Variants in VWA8 observed in about 807,000 individuals in gnomAD.
The protein encoded by VWA8 is von Willebrand factor A domain-containing protein 8.
In VWA8, 221 loss-of-function variants were observed where a neutral mutation model predicts 241.5. The ratio of observed to expected loss-of-function variants is 0.91; its 90% CI spans 0.82 to 1.02. VWA8 has a LOEUF of 1.02. Among genes scored for constraint, VWA8 ranks in the 50% least tolerant of loss-of-function variants. The pLI, the probability that VWA8 is intolerant of heterozygous loss-of-function variation, is 0.00. For missense variants in VWA8, 2,322 were observed against 2,328.7 expected, an observed-to-expected ratio of 1.00 and a Z score of 0.06; for synonymous variants, 852 against 827.1, an observed-to-expected ratio of 1.03 and a Z score of -0.52.
At chr13:41,873,747 C>T (rs1447683306) in intron 9 of VWA8, among the ~76,000 whole-genome samples, 1 of 152,136 alleles carries the variant, frequency 6.6e-6, no homozygotes, top group Non-Finnish European at 1.5e-5. Flanking sequence ...CCAAATTCTA[C>T]CAGAGGTACA....
intron 21 of VWA8, among the ~76,000 whole-genome samples, chr13:41,748,010 T>C (rs1409691480): frequency 6.6e-6 from 1 of 152,184 alleles, no homozygotes; most frequent in African/African-American, 2.4e-5. Context: ...CAGTATTTTA[T>C]TGAGGATTTT....
intron 29 of VWA8, among the ~76,000 whole-genome samples, chr13:41,695,008 T>C (rs2045207090): frequency 6.6e-6 from 1 of 152,174 alleles, no homozygotes; most frequent in African/African-American, 2.4e-5. Flanking sequence ...TAGATGTTAA[T>C]GGTTTCCTTC....
At chr13:41,726,217 T>C (rs2045432138) in intron 24 of VWA8, among the ~76,000 whole-genome samples, 1 of 152,338 alleles carries the variant, frequency 6.6e-6, no homozygotes, top group East Asian at 1.9e-4. Context: ...AAAATTTCTT[T>C]ATCCAGTCCC....
At chr13:41,936,749 T>A (rs1877369911) in intron 2 of VWA8, among the ~76,000 whole-genome samples, 1 of 152,208 alleles carries the variant, frequency 6.6e-6, no homozygotes, top group South Asian at 2.1e-4. Flanking sequence ...GAATAGATTT[T>A]AAATGTTCTC....
At chr13:41,945,098 T>A (rs1306348363) in intron 2 of VWA8, among the ~76,000 whole-genome samples, 1 of 152,154 alleles carries the variant, frequency 6.6e-6, no homozygotes, top group African/African-American at 2.4e-5. Flanking sequence ...GAGACACAAC[T>A]GTAAGCTACC....
chr13:41,755,398 G>T (rs2045687643), intron 21 of VWA8, among the ~76,000 whole-genome samples: 1 of 151,700 alleles, frequency 6.6e-6, no homozygotes, highest in Non-Finnish European at 1.5e-5. Flanking sequence ...GATACTTAGG[G>T]CCCTTGTTAA....
At chr13:41,636,768 A>G (rs2044760226) in intron 37 of VWA8, among the ~76,000 whole-genome samples, 1 of 152,262 alleles carries the variant, frequency 6.6e-6, no homozygotes, top group Non-Finnish European at 1.5e-5. Context: ...ATGAACAGAC[A>G]CTTTTCAGAA....
chr13:41,620,926 C>T (rs1593655330), intron 37 of VWA8, among the ~76,000 whole-genome samples: 2 of 152,150 alleles, frequency 1.3e-5, no homozygotes, highest in Non-Finnish European at 2.9e-5. Flanking sequence ...TGAATTATTT[C>T]TACCATTACA....
intron 12 of VWA8, among the ~76,000 whole-genome samples, chr13:41,841,553 G>A (rs924366366): frequency 4.7e-5 from 7 of 150,500 alleles, no homozygotes; most frequent in African/African-American, 1.5e-4. Flanking sequence ...TTGGGAGGCC[G>A]AGGCAGGTGG....
At chr13:41,871,708 T>A (rs1423588137) in intron 9 of VWA8, among the ~76,000 whole-genome samples, 1 of 152,166 alleles carries the variant, frequency 6.6e-6, no homozygotes, top group Non-Finnish European at 1.5e-5. Context: ...TCTATCGTTG[T>A]TGGACATTTG....
At chr13:41,688,939 T>C (rs567027998) in intron 34 of VWA8, among the ~76,000 whole-genome samples, 1 of 152,082 alleles carries the variant, frequency 6.6e-6, no homozygotes, top group Non-Finnish European at 1.5e-5. Context: ...AATTTACCTA[T>C]ATAACAAACC....
chr13:41,829,546 CACACACACACACACACACACAT>C (rs1871328809), intron 14 of VWA8, among the ~76,000 whole-genome samples: 1 of 142,136 alleles, frequency 7.0e-6, no homozygotes. Flanking sequence ...CACACACACA[CACACACACACACACACACACAT>C]GCACACACAC....
At chr13:41,826,829 G>A (rs1871193312) in intron 14 of VWA8, among the ~76,000 whole-genome samples, 1 of 152,072 alleles carries the variant, frequency 6.6e-6, no homozygotes, top group Admixed American at 6.6e-5. Context: ...AGCCGAGATT[G>A]TGCCACTGCA....
chr13:41,870,468 G>T (rs765161010), intron 9 of VWA8, among the ~76,000 whole-genome samples: 1 of 151,792 alleles, frequency 6.6e-6, no homozygotes. Flanking sequence ...GTGAAACCCC[G>T]TCTCTACTAA....
At chr13:41,883,629 A>T in intron 8 of VWA8, 138 bp from the exon 9 acceptor site, 2 of 609,494 alleles carry the variant, frequency 3.3e-6, no homozygotes, top group Non-Finnish European at 5.7e-6. Context: ...AGTCTACAAA[A>T]GCAAATATTC....
At chr13:41,860,707 T>G (rs1049256511) in intron 12 of VWA8, among the ~76,000 whole-genome samples, 6 of 152,200 alleles carry the variant, frequency 3.9e-5, no homozygotes, top group Non-Finnish European at 8.8e-5. Flanking sequence ...CATAACAAGA[T>G]AGCATACTCA....
chr13:41,614,221 G>A lies in VWA8; in HGVS notation c.4720+755C>T, dbSNP rs74706743. On this transcript the variant is annotated intron_variant, in intron 38 of 44. Transcript: ENST00000379310. Reference sequence around the variant, plus strand: ...TAAGCAGAGAAACCCATTTCCTCCCGAGGCTGTCAAGGCCAAGAGGCACAG... The same window carrying A: ...TAAGCAGAGAAACCCATTTCCTCCCAAGGCTGTCAAGGCCAAGAGGCACAG... Among the ~76,000 whole-genome samples, 351 of 152,312 alleles carry A rather than the reference G, an allele frequency of 2.3e-3. 4 individuals carry two copies. The highest frequency in any genetic ancestry group is 8.0e-3 in the African/African-American group (333 of 41,572).
Position 41,838,259 on chromosome 13 carries a change from CTG to C in VWA8, c.1426-4730_1426-4729del, listed in dbSNP as rs145655352. ...ATACAGTCAATACTCAATAAAATAACTGTACAAAGTGGTTGTGTGTACAGTAT... is the reference window on the plus strand; with the variant it reads ...ATACAGTCAATACTCAATAAAATAACTACAAAGTGGTTGTGTGTACAGTAT... On this transcript the variant is annotated intron_variant, in intron 12 of 44. Coordinates refer to ENST00000379310, the MANE Select transcript of VWA8 (RefSeq NM_015058.2). 4.4e-4 allele frequency among the ~76,000 whole-genome samples: 67 copies of C among 152,158 alleles called. No individual in the cohort carries two copies. In the East Asian group the frequency reaches 0.013, roughly 29 times the overall value.
At chr13:41,955,787 T>G (rs189544124) in intron 1 of VWA8, 1 of 152,216 alleles carries the variant, frequency 6.6e-6, no homozygotes, top group African/African-American at 2.4e-5. Context: ...AACTTAGGAG[T>G]ATACTTTGGT....
Sources: allele counts gnomAD v4.1 joint callset (sites outside exome capture counted in the v4.1 genomes callset), GRCh38; gene constraint gnomAD v4.1.1; transcripts MANE v1.5; gene names NCBI Gene and HGNC (gene_info 2026-07-23, HGNC 2026-07-21).